MRPL47: variants seen among roughly 807,000 people sequenced by gnomAD.
MRPL47 encodes the protein large ribosomal subunit protein uL29m.
MRPL47 carries 31 observed loss-of-function variants against 34.0 expected under a neutral mutation model. The ratio of observed to expected loss-of-function variants is 0.91; its 90% CI spans 0.68 to 1.23. The LOEUF (loss-of-function observed/expected upper bound fraction) is 1.23, where lower values mean the gene tolerates loss of function less well. MRPL47 is among the 50% of genes most tolerant of loss of function. The pLI, the probability that MRPL47 is intolerant of heterozygous loss-of-function variation, is 0.00. For synonymous variants in MRPL47, 106 were observed against 101.6 expected (o/e 1.04, Z -0.26); for missense variants, 328 against 285.8 (o/e 1.15, Z -1.07).
chr3:179,597,121 G>A (rs1228826747), intron 4 of MRPL47, among the ~76,000 whole-genome samples: 1 of 152,202 alleles, frequency 6.6e-6, no homozygotes, highest in Non-Finnish European at 1.5e-5. Context: ...GAGCAATCTG[G>A]AGGGTATATG....
Position 179,602,702 on chromosome 3 carries a change from T to C in MRPL47, c.194A>G (p.Glu65Gly), listed in dbSNP as rs1464962191. The change falls in exon 2 of 7, where the codon GAA becomes GGA. Residue 65 changes from glutamate to glycine, a missense_variant. By Grantham distance (98) the Glu-to-Gly change is moderately conservative. Coordinates refer to ENST00000476781, the MANE Select transcript of MRPL47 (RefSeq NM_020409.3). ...LHTTLSRKGL[E>G]EFFDDPKNWG... ...GTTTTTTGGGTCATCAAAAAATTCT[T>C]CTAGTCCTTTCCTTGACAATGTGGT... 1.9e-6 allele frequency: 3 copies of C among 1,612,698 alleles called. No homozygotes were observed. The highest frequency in any genetic ancestry group is 2.5e-6 in the Non-Finnish European group (3 of 1,179,632).
intron 5 of MRPL47, among the ~76,000 whole-genome samples, chr3:179,593,387 G>A (rs757785570): frequency 2.6e-5 from 4 of 152,236 alleles, no homozygotes; most frequent in Non-Finnish European, 4.4e-5. Flanking sequence ...TGTGTGTCCT[G>A]AAGTTAGCTT....
chr3:179,594,059 A>G (rs1718736952), intron 4 of MRPL47, among the ~76,000 whole-genome samples, 164 bp from the exon 5 acceptor site: 1 of 152,254 alleles, frequency 6.6e-6, no homozygotes, highest in African/African-American at 2.4e-5. Context: ...AAGTATGTCT[A>G]CATGGGTGTC....
chr3:179,588,921 A>AAAAG lies in MRPL47; in HGVS notation c.700_703dup (p.Leu235SerfsTer10), dbSNP rs1260343260. 6 of 1,613,650 alleles carry AAAAG rather than the reference A, an allele frequency of 3.7e-6. No individual in the cohort carries two copies. The highest frequency in any genetic ancestry group is 2.7e-5 in the African/African-American group (2 of 74,908). ...TTCAGCAAGATGTGGAAACTTTTTT[A>AAAAG]AAAGAATTTTTGCTTTCTTTCTCTC... is the stretch of plus-strand genomic sequence containing the variant. On this transcript the variant is annotated frameshift_variant, in exon 7 of 7. Transcript: ENST00000476781. LOFTEE classifies it high-confidence loss of function.
chr3:179,595,896 C>A (rs1240027914), intron 4 of MRPL47, among the ~76,000 whole-genome samples: 2 of 152,200 alleles, frequency 1.3e-5, no homozygotes, highest in African/African-American at 2.4e-5. Context: ...CTTCTCTTTA[C>A]AGCCAAGAAT....
intron 1 of MRPL47, 22 bp from the exon 2 acceptor site, chr3:179,602,819 C>G: frequency 6.4e-7 from 1 of 1,566,120 alleles, no homozygotes; most frequent in Non-Finnish European, 8.6e-7. Flanking sequence ...CACACATAAA[C>G]AAGTAAAAGT....
rs1237091609 is a variant in MRPL47, at chr3:179,588,793, A to T, written c.*79T>A. On this transcript the variant is annotated 3_prime_UTR_variant, in exon 7 of 7. Transcript: ENST00000476781. ...ACTTGACTAAAAACAGAATTTCTTT[A>T]TAAACCACTTAACATATTTACTCCT... The T allele has an allele frequency of 7.3e-7, 1 of 1,360,612 alleles. No homozygotes were observed. The highest frequency in any genetic ancestry group is 1.5e-5 in the African/African-American group (1 of 68,626). 84.3% of individuals were successfully genotyped at this position (1,360,612 alleles called of 1,614,324 possible). A position where few individuals can be genotyped will look rare whatever the true frequency, so the allele number is the denominator to read the frequency against.
At chr3:179,598,295 G>A (rs1718833825) in intron 4 of MRPL47, among the ~76,000 whole-genome samples, 1 of 151,850 alleles carries the variant, frequency 6.6e-6, no homozygotes, top group Non-Finnish European at 1.5e-5. Flanking sequence ...GCTGAGGCAG[G>A]AGAATTGCTT....
At position 179,588,775 on chromosome 3, in the gene MRPL47, T is replaced by A. The variant is rs1383031777; in HGVS notation, c.*97A>T. The A allele has an allele frequency of 3.3e-6, 4 of 1,230,658 alleles. No individual in the cohort carries two copies. The East Asian group carries it at 7.2e-5, about 22-fold the overall frequency. 76.2% of individuals were successfully genotyped at this position (1,230,658 alleles called of 1,614,324 possible). On this transcript the variant is annotated 3_prime_UTR_variant, in exon 7 of 7. Coordinates refer to ENST00000476781, the MANE Select transcript of MRPL47 (RefSeq NM_020409.3). ...CAACTGATTAGTAAAGTCACTTGAC[T>A]AAAAACAGAATTTCTTTATAAACCA... is the stretch of plus-strand genomic sequence containing the variant.
At chr3:179,594,211 T>C (rs1239813907) in intron 4 of MRPL47, among the ~76,000 whole-genome samples, 3 of 152,234 alleles carry the variant, frequency 2.0e-5, no homozygotes, top group Non-Finnish European at 4.4e-5. Context: ...CAAAACTCAA[T>C]GAGCTAATAA....
At position 179,601,699 on chromosome 3, in the gene MRPL47, G is replaced by A. The variant is rs144478858; in HGVS notation, c.305+31C>T. 1.9e-3 allele frequency: 2,610 copies of A among 1,352,024 alleles called. 7 individuals carry two copies. Among genetic ancestry groups the A allele is most frequent in the Non-Finnish European group, 2.5e-3 (2,341 of 945,068 alleles). The allele number at this position is 1,352,024 out of a possible 1,614,324, so 83.8% of individuals were successfully genotyped here. On this transcript the variant is annotated intron_variant, in intron 3 of 6. Transcript: ENST00000476781. The stretch of plus-strand genomic sequence containing the variant: ...TTGTTACACTATAACGGCTTCAAAC[G>A]TCTAGATGTTAATGTACTTAGTATA...
rs2108386201 is a variant in MRPL47, at chr3:179,602,746, G to A, written c.150C>T (p.His50=). ...PKSTPNVTSF[H]QYRLLHTTLS... ...ATGTGGTATGAAGTAATCTATATTG[G>A]TGAAAGGATGTCACATTTGGTGTAC... is the stretch of plus-strand genomic sequence containing the variant. Residue 50 remains histidine (H), a synonymous_variant, in exon 2 of 7, where the codon CAC becomes CAT. Coordinates refer to ENST00000476781, the MANE Select transcript of MRPL47 (RefSeq NM_020409.3). 1 of 1,611,628 alleles carries A rather than the reference G, an allele frequency of 6.2e-7. No homozygotes were observed. The highest frequency in any genetic ancestry group is 8.5e-7 in the Non-Finnish European group (1 of 1,179,218).
intron 6 of MRPL47, among the ~76,000 whole-genome samples, chr3:179,589,737 GAT>G (rs1434906631): frequency 6.6e-6 from 1 of 152,096 alleles, no homozygotes; most frequent in Non-Finnish European, 1.5e-5. Context: ...AGAAAATTGA[GAT>G]AACACGTATT....
intron 5 of MRPL47, among the ~76,000 whole-genome samples, 196 bp from the exon 6 acceptor site, chr3:179,592,935 TTA>T (rs1397589170): frequency 6.6e-6 from 1 of 152,148 alleles, no homozygotes; most frequent in African/African-American, 2.4e-5. Flanking sequence ...ACCGAATGAG[TTA>T]TGAGTTAAGT....
chr3:179,604,600 G>T lies in MRPL47; in HGVS notation c.25C>A (p.Leu9Ile). The T allele has an allele frequency of 1.9e-6, 3 of 1,614,236 alleles. No homozygotes were observed. The highest frequency in any genetic ancestry group is 2.5e-6 in the Non-Finnish European group (3 of 1,180,052). Residue 9 changes from leucine (L) to isoleucine (I), a missense_variant, in exon 1 of 7, where the codon CTT becomes ATT. Leu to Ile is a conservative substitution (Grantham distance 5, BLOSUM62 2). Transcript: ENST00000476781. ...AGGGCGGATGAAACTCTCCTACAAA[G>T]AAGGGCCAAACCGGCCGCAGCCATG... MAAAGLAL[L>I]CRRVSSALKS...
chr3:179,600,073 A>G (rs1349055483), intron 3 of MRPL47, among the ~76,000 whole-genome samples: 1 of 151,734 alleles, frequency 6.6e-6, no homozygotes, highest in Non-Finnish European at 1.5e-5. Flanking sequence ...GTGGGCTGAG[A>G]TCGTGCCATT....
chr3:179,600,570 A>T (rs971391943), intron 3 of MRPL47, among the ~76,000 whole-genome samples: 3 of 152,198 alleles, frequency 2.0e-5, no homozygotes, highest in African/African-American at 7.2e-5. Flanking sequence ...TGAACCTGGG[A>T]GGTGGAGGTT....
intron 4 of MRPL47, among the ~76,000 whole-genome samples, chr3:179,594,955 CA>C (rs1297682968): frequency 6.6e-6 from 1 of 151,986 alleles, no homozygotes; most frequent in African/African-American, 2.4e-5. Context: ...TAAGAATCCT[CA>C]AAAAAAGCAC....
At position 179,602,672 on chromosome 3, in the gene MRPL47, C is replaced by A; in HGVS notation, c.224G>T (p.Gly75Val). ...EEFFDDPKNW[G>V]QEKVKSGAAW... Reference sequence around the variant, plus strand: ...CTCACCAGATTTTACTTTTTCTTGCCCCCAGTTTTTTGGGTCATCAAAAAA... The same window carrying A: ...CTCACCAGATTTTACTTTTTCTTGCACCCAGTTTTTTGGGTCATCAAAAAA... Residue 75 changes from glycine to valine, a missense_variant, in exon 2 of 7, where the codon GGG becomes GTG. Transcript: ENST00000476781. The A allele has an allele frequency of 6.2e-7, 1 of 1,610,950 alleles. No homozygotes were observed. Among genetic ancestry groups the A allele is most frequent in the Non-Finnish European group, 8.5e-7 (1 of 1,179,060 alleles).
Sources: gnomAD v4.1 joint callset for allele counts (sites outside exome capture counted in the v4.1 genomes callset) on GRCh38, gnomAD v4.1.1 for gene constraint, MANE v1.5 for transcripts, NCBI Gene and HGNC (gene_info 2026-07-23, HGNC 2026-07-21) for gene names.